Variants in MALRD1 observed in about 807,000 individuals in gnomAD.
MALRD1 encodes MAM and LDL receptor class A domain containing 1.
Under a neutral mutation model 242.1 loss-of-function variants are expected in MALRD1, and 247 were observed. The ratio of observed to expected loss-of-function variants is 1.02; its 90% CI spans 0.92 to 1.13. MALRD1 has a LOEUF of 1.13. Ranked by LOEUF, MALRD1 falls within the 50% of genes most tolerant of loss-of-function variation. The pLI, the probability that MALRD1 is intolerant of heterozygous loss-of-function variation, is 0.00. For synonymous variants in MALRD1, 995 were observed against 866.6 expected (o/e 1.15, Z -2.60); for missense variants, 2,989 against 2,533.1 (o/e 1.18, Z -3.86).
intron 34 of MALRD1, among the ~76,000 whole-genome samples, chr10:19,602,154 CTTT>C (rs35031620): frequency 8.4e-4 from 88 of 104,910 alleles, no homozygotes; most frequent in South Asian, 1.7e-3. Flanking sequence ...TGCCAATTTT[CTTT>C]TTTTTTTTTT....
At chr10:19,597,319 T>C (rs184928406) in intron 34 of MALRD1, among the ~76,000 whole-genome samples, 159 of 152,320 alleles carry the variant, frequency 1.0e-3, no homozygotes, top group African/African-American at 3.6e-3. Flanking sequence ...ATAAGACTGC[T>C]ATTTAAAGAG....
chr10:19,297,906 G>A (rs989718889), intron 21 of MALRD1, among the ~76,000 whole-genome samples: 1 of 151,870 alleles, frequency 6.6e-6, no homozygotes, highest in African/African-American at 2.4e-5. Context: ...ATCAAGCAAA[G>A]CGATGGCTAC....
intron 24 of MALRD1, among the ~76,000 whole-genome samples, chr10:19,345,990 G>A (rs1844102857): frequency 6.6e-6 from 1 of 151,496 alleles, no homozygotes; most frequent in Non-Finnish European, 1.5e-5. Context: ...TCACTTTGTT[G>A]GCCAGGATGG....
At chr10:19,374,916 T>C (rs996751838) in intron 26 of MALRD1, among the ~76,000 whole-genome samples, 8 of 152,148 alleles carry the variant, frequency 5.3e-5, no homozygotes, top group African/African-American at 1.9e-4. Context: ...TGTAACCATC[T>C]AAGAATTGTA....
At chr10:19,307,501 A>G (rs1842263960) in intron 21 of MALRD1, among the ~76,000 whole-genome samples, 1 of 151,604 alleles carries the variant, frequency 6.6e-6, no homozygotes, top group African/African-American at 2.4e-5. Flanking sequence ...GTCATAAAAT[A>G]CAGTTTCAGT....
intron 29 of MALRD1, among the ~76,000 whole-genome samples, chr10:19,471,823 G>T (rs1301371690): frequency 6.6e-6 from 1 of 151,568 alleles, no homozygotes; most frequent in African/African-American, 2.4e-5. Context: ...GGTTTTCTTT[G>T]TGGATTCTTC....
intron 38 of MALRD1, among the ~76,000 whole-genome samples, chr10:19,729,786 G>A (rs1180675886): frequency 6.9e-5 from 9 of 130,256 alleles, no homozygotes; most frequent in African/African-American, 2.6e-4. Context: ...GCCCAGGCTG[G>A]AGTGCAGTGG....
At chr10:19,379,973 A>AT (rs35629873) in intron 26 of MALRD1, among the ~76,000 whole-genome samples, 3,414 of 130,592 alleles carry the variant, frequency 0.026, 122 homozygotes, top group African/African-American at 0.071. Context: ...TTTTTATTTA[A>AT]TTTTTTTTTT....
chr10:19,657,165 G>A (rs1483212818), intron 36 of MALRD1, among the ~76,000 whole-genome samples: 1 of 151,992 alleles, frequency 6.6e-6, no homozygotes, highest in Non-Finnish European at 1.5e-5. Context: ...AAGGTGTTCC[G>A]ACCCTTCGCC....
In MALRD1 at chr10:19,347,797, G is replaced by A. The variant is rs1190637139; in HGVS notation, c.3928G>A (p.Glu1310Lys). ...CRTSSGRCDF[E>K]FDLCSWKQEK... Reference sequence around the variant, plus strand: ...TACCTCCAGTGGGCGCTGTGATTTCGAATTTGATCTTTGTTCCTGGAAGCA... The same window carrying A: ...TACCTCCAGTGGGCGCTGTGATTTCAAATTTGATCTTTGTTCCTGGAAGCA... The change falls in exon 25 of 40, where the codon GAA becomes AAA. Residue 1310 changes from glutamate to lysine, a missense_variant. Coordinates refer to ENST00000454679, the MANE Select transcript of MALRD1 (RefSeq NM_001142308.3). The A allele has an allele frequency of 1.5e-5, 23 of 1,550,298 alleles. No homozygotes were observed. Among genetic ancestry groups the A allele is most frequent in the African/African-American group, 4.1e-5 (3 of 73,006 alleles).
At chr10:19,693,947 A>G (rs1475558272) in intron 38 of MALRD1, among the ~76,000 whole-genome samples, 1 of 152,150 alleles carries the variant, frequency 6.6e-6, no homozygotes. Context: ...CTGATCTTTG[A>G]CAAACCTGAC....
At chr10:19,270,334 T>TCACACACACA (rs1295856463) in intron 19 of MALRD1, among the ~76,000 whole-genome samples, 48 of 75,726 alleles carry the variant, frequency 6.3e-4, no homozygotes, top group African/African-American at 1.8e-3. Context: ...TCTCTCTCTC[T>TCACACACACA]CTCACACACA....
intron 33 of MALRD1, among the ~76,000 whole-genome samples, chr10:19,574,747 A>G (rs758440669): frequency 6.6e-6 from 1 of 152,140 alleles, no homozygotes; most frequent in African/African-American, 2.4e-5. Flanking sequence ...TTTTATGATT[A>G]TATGATACTG....
intron 28 of MALRD1, among the ~76,000 whole-genome samples, chr10:19,390,062 G>A (rs562247409): frequency 1.4e-4 from 21 of 152,144 alleles, no homozygotes; most frequent in Middle Eastern, 3.4e-3. Flanking sequence ...TGATCTATGG[G>A]GTTTGGTAAG....
At chr10:19,081,866 C>T (rs1050350178) in intron 2 of MALRD1, among the ~76,000 whole-genome samples, 8 of 151,926 alleles carry the variant, frequency 5.3e-5, no homozygotes, top group Admixed American at 3.3e-4. Flanking sequence ...CTTTTATACC[C>T]TTTTACTTTT....
intron 28 of MALRD1, among the ~76,000 whole-genome samples, chr10:19,425,159 C>G (rs1833859226): frequency 6.6e-6 from 1 of 152,116 alleles, no homozygotes; most frequent in Admixed American, 6.5e-5. Flanking sequence ...ACAATCTGCC[C>G]TTTAGCAGCT....
At chr10:19,605,336 T>G (rs1185564796) in intron 34 of MALRD1, among the ~76,000 whole-genome samples, 1 of 151,384 alleles carries the variant, frequency 6.6e-6, no homozygotes, top group Non-Finnish European at 1.5e-5. Context: ...ATTTTATTAT[T>G]ATTATTATGT....
intron 28 of MALRD1, among the ~76,000 whole-genome samples, chr10:19,413,392 A>C (rs1442918223): frequency 6.6e-6 from 1 of 151,982 alleles, no homozygotes; most frequent in African/African-American, 2.4e-5. Flanking sequence ...CAACAGTAAT[A>C]CTCAGTTTAG....
intron 36 of MALRD1, among the ~76,000 whole-genome samples, chr10:19,645,615 A>C (rs376707984): frequency 6.6e-6 from 1 of 152,160 alleles, no homozygotes; most frequent in Non-Finnish European, 1.5e-5. Context: ...ATTCTCAGCA[A>C]ACTATCCCAA....
Sources: gnomAD v4.1 joint callset for allele counts (sites outside exome capture counted in the v4.1 genomes callset) on GRCh38, gnomAD v4.1.1 for gene constraint, MANE v1.5 for transcripts, NCBI Gene and HGNC (gene_info 2026-07-23, HGNC 2026-07-21) for gene names.